The following DISC1 variants were observed in gnomAD, a reference collection of about 807,000 sequenced individuals.
DISC1 encodes DISC1 scaffold protein.
A neutral mutation model predicts 84.5 loss-of-function variants in DISC1; 57 were observed. That is an observed-to-expected ratio of 0.67 (90% confidence interval 0.55 to 0.84). DISC1 has a LOEUF of 0.84. Ranked by LOEUF, DISC1 falls within the 40% of genes least tolerant of loss-of-function variation. The probability of loss-of-function intolerance (pLI) is 0.00; values close to 1 mark genes in which losing one functional copy is unlikely to be tolerated. For synonymous variants in DISC1, 411 were observed against 415.2 expected, an observed-to-expected ratio of 0.99 and a Z score of 0.12; for missense variants, 1,000 against 1,057.8, an observed-to-expected ratio of 0.95 and a Z score of 0.76.
chr1:231,843,452 T>C (rs1470727183), intron 9 of DISC1, among the ~76,000 whole-genome samples: 10 of 151,938 alleles, frequency 6.6e-5, no homozygotes, highest in Admixed American at 3.9e-4. Context: ...AAGATTTGCA[T>C]TGGGGGGATG....
chr1:231,837,317 A>G (rs959050615), intron 9 of DISC1, among the ~76,000 whole-genome samples: 3 of 152,184 alleles, frequency 2.0e-5, no homozygotes, highest in African/African-American at 7.2e-5. Flanking sequence ...AAATGTGTTA[A>G]GGCACTTGTA....
intron 10 of DISC1, among the ~76,000 whole-genome samples, chr1:232,000,021 C>T (rs552809248): frequency 2.3e-4 from 35 of 152,260 alleles, no homozygotes; most frequent in African/African-American, 7.9e-4. Context: ...TGGAACTCAA[C>T]GTTTTTTAAC....
chr1:231,626,881 G>T lies in DISC1; in HGVS notation c.14G>T (p.Gly5Val), dbSNP rs3738400. The change falls in exon 1 of 13, where the codon GGT becomes GTT. Residue 5 changes from glycine (G) to valine (V), a missense_variant. Physicochemically the swap from Gly to Val is moderately radical, Grantham distance 109 (BLOSUM62 -3). Transcript: ENST00000439617. ...GCAGCGGGGCGCATGCCAGGCGGGGGTCCTCAGGGCGCCCCAGCCGCCGCC... is the reference window on the plus strand; with the variant it reads ...GCAGCGGGGCGCATGCCAGGCGGGGTTCCTCAGGGCGCCCCAGCCGCCGCC... MPGGGPQGAPAAAGG... is the reference protein window; with the variant it reads MPGGVPQGAPAAAGG... The T allele has an allele frequency of 2.6e-5, 38 of 1,486,292 alleles. No individual in the cohort carries two copies. The East Asian group carries it at 8.8e-4, about 34-fold the overall frequency. 92.1% of individuals were successfully genotyped at this position (1,486,292 alleles called of 1,614,324 possible).
intron 1 of DISC1, among the ~76,000 whole-genome samples, chr1:231,657,448 G>A (rs1009114602): frequency 6.6e-6 from 1 of 151,958 alleles, no homozygotes; most frequent in African/African-American, 2.4e-5. Context: ...AGTGTCTGAT[G>A]ATAGTTTCTT....
chr1:231,983,655 G>T (rs1216119870), intron 10 of DISC1, among the ~76,000 whole-genome samples: 1 of 139,868 alleles, frequency 7.1e-6, no homozygotes, highest in African/African-American at 2.7e-5. Context: ...GGGAGGGGGT[G>T]GAGGTGGGGT....
intron 1 of DISC1, among the ~76,000 whole-genome samples, chr1:231,674,110 T>A (rs2062899612): frequency 6.6e-6 from 1 of 152,216 alleles, no homozygotes; most frequent in Non-Finnish European, 1.5e-5. Flanking sequence ...GATCCTTACC[T>A]CATTCAGTTT....
intron 1 of DISC1, among the ~76,000 whole-genome samples, chr1:231,688,844 A>G (rs1226247136): frequency 6.6e-6 from 1 of 152,228 alleles, no homozygotes; most frequent in Non-Finnish European, 1.5e-5. Flanking sequence ...TAAATTGGAA[A>G]TAGAATACAG....
intron 9 of DISC1, among the ~76,000 whole-genome samples, chr1:231,882,170 ATG>A (rs1482394621): frequency 6.6e-6 from 1 of 152,206 alleles, no homozygotes; most frequent in Non-Finnish European, 1.5e-5. Flanking sequence ...TTTTGGGTGA[ATG>A]CACTATTCTT....
chr1:231,647,477 T>C, intron 1 of DISC1, among the ~76,000 whole-genome samples: 1 of 152,224 alleles, frequency 6.6e-6, no homozygotes, highest in East Asian at 1.9e-4. Context: ...CCTTGTAGTA[T>C]AGTTTGAAGT....
rs1157485996 is a variant in DISC1, at chr1:232,037,451, T to C, written c.*620T>C. On this transcript the variant is annotated 3_prime_UTR_variant, in exon 13 of 13. Coordinates refer to ENST00000439617, the MANE Select transcript of DISC1 (RefSeq NM_018662.3). ...CTCCCAGTGATATGCCACCTTTCAATTTTCCTTTTGTGGCAATGATTGCAT... is the reference window on the plus strand; with the variant it reads ...CTCCCAGTGATATGCCACCTTTCAACTTTCCTTTTGTGGCAATGATTGCAT... 2 of 152,222 alleles carry C rather than the reference T, an allele frequency of 1.3e-5. No individual in the cohort carries two copies. Among genetic ancestry groups the C allele is most frequent in the African/African-American group, 4.8e-5 (2 of 41,460 alleles). 9.4% of individuals were successfully genotyped at this position (152,222 alleles called of 1,614,324 possible).
rs147254878 is a variant in DISC1, at chr1:231,658,333, A to T, written c.67+31399A>T. Reference sequence around the variant, plus strand: ...AGCAATTTTTGCACATTGATTTTGTATCCTGAGACTGCTGAAGTTGCTTAT... The same window carrying T: ...AGCAATTTTTGCACATTGATTTTGTTTCCTGAGACTGCTGAAGTTGCTTAT... On this transcript the variant is annotated intron_variant, in intron 1 of 12. Transcript: ENST00000439617. Among the ~76,000 whole-genome samples, 301 of 152,288 alleles carry T rather than the reference A, an allele frequency of 2.0e-3. 3 individuals are homozygous for T. Among genetic ancestry groups the T allele is most frequent in the South Asian group, 3.7e-3 (18 of 4,822 alleles).
intron 3 of DISC1, among the ~76,000 whole-genome samples, chr1:231,748,793 T>C (rs953127188): frequency 5.3e-5 from 8 of 152,192 alleles, no homozygotes; most frequent in Admixed American, 3.9e-4. Flanking sequence ...TTGGAATAGT[T>C]TAAGAAGAAT....
chr1:231,901,647 C>T (rs1275352406), intron 9 of DISC1, among the ~76,000 whole-genome samples: 1 of 152,200 alleles, frequency 6.6e-6, no homozygotes, highest in African/African-American at 2.4e-5. Flanking sequence ...AGTTATTCTG[C>T]TTCTGACCCA....
At position 231,800,125 on chromosome 1, in the gene DISC1, A is replaced by G. The variant is rs2079109764; in HGVS notation, c.1707A>G (p.Lys569=). 6.2e-7 allele frequency: 1 copy of G among 1,611,314 alleles called. No homozygotes were observed. Among genetic ancestry groups the G allele is most frequent in the Admixed American group, 1.7e-5 (1 of 59,762 alleles). The change falls in exon 8 of 13, where the codon AAA becomes AAG. Residue 569 remains lysine, a synonymous_variant. Coordinates refer to ENST00000439617, the MANE Select transcript of DISC1 (RefSeq NM_018662.3). ...CCCCCTAGGTGTGTATGAGTGAGAA[A>G]TTCTGCAGCACCCTGAGGAAGAAAG... ...EITTKVCMSE[K]FCSTLRKKVN...
At chr1:231,831,338 A>T (rs944577217) in intron 9 of DISC1, among the ~76,000 whole-genome samples, 12 of 152,246 alleles carry the variant, frequency 7.9e-5, no homozygotes, top group Non-Finnish European at 1.5e-4. Context: ...AGCAGCTTGT[A>T]ACCTATGTGG....
chr1:231,673,384 G>A (rs902786818), intron 1 of DISC1, among the ~76,000 whole-genome samples: 1 of 151,952 alleles, frequency 6.6e-6, no homozygotes, highest in African/African-American at 2.4e-5. Context: ...GCTATTCATA[G>A]GTTTATCATA....
rs190974639 is a variant in DISC1, at chr1:231,878,121, C to A, written c.1981+59604C>A. Among the ~76,000 whole-genome samples, 1,114 of 152,312 alleles carry A rather than the reference C, an allele frequency of 7.3e-3. 13 individuals carry two copies. The highest frequency in any genetic ancestry group is 0.026 in the African/African-American group (1,068 of 41,562). The stretch of plus-strand genomic sequence containing the variant: ...TTTATTAATATTTATTAAGCATATT[C>A]TATCAGGCAGGTGCTGGGCTCGGTG... On this transcript the variant is annotated intron_variant, in intron 9 of 12. Coordinates refer to ENST00000439617, the MANE Select transcript of DISC1 (RefSeq NM_018662.3).
rs1572721508 is a variant in DISC1 at position 232,040,646 on chromosome 1, A to T, written c.*3815A>T. ...CTAAAGTTCCTTTAATGTCCTTTTG[A>T]GATTTTGAGCCATGGAACTTACTTG... On this transcript the variant is annotated 3_prime_UTR_variant, in exon 13 of 13. Coordinates refer to ENST00000439617, the MANE Select transcript of DISC1 (RefSeq NM_018662.3). The T allele has an allele frequency of 6.6e-6, 1 of 152,230 alleles. No individual in the cohort carries two copies. Among genetic ancestry groups the T allele is most frequent in the East Asian group, 1.9e-4 (1 of 5,170 alleles). The allele number at this position is 152,230 out of a possible 1,614,324, so 9.4% of individuals were successfully genotyped here.
chr1:231,713,481 CAG>C (rs1290733873), intron 3 of DISC1, among the ~76,000 whole-genome samples: 7 of 151,828 alleles, frequency 4.6e-5, no homozygotes, highest in East Asian at 3.9e-4. Context: ...ATTGATCAAA[CAG>C]AAATTCTGAA....
Sources: gnomAD v4.1 joint callset for allele counts (sites outside exome capture counted in the v4.1 genomes callset) on GRCh38, gnomAD v4.1.1 for gene constraint, MANE v1.5 for transcripts, NCBI Gene and HGNC (gene_info 2026-07-23, HGNC 2026-07-21) for gene names.